The following TAF5 variants were observed in gnomAD, a reference collection of about 807,000 sequenced individuals.
TAF5 encodes the protein TATA-box binding protein associated factor 5.
Under a neutral mutation model 80.9 loss-of-function variants are expected in TAF5, and 20 were observed. That is an observed-to-expected ratio of 0.25 (90% CI 0.17 to 0.36). The LOEUF (loss-of-function observed/expected upper bound fraction) is 0.36, where lower values mean the gene tolerates loss of function less well. TAF5 is among the 10% of genes least tolerant of loss of function. The probability of loss-of-function intolerance (pLI) is 1.00; values close to 1 mark genes in which losing one functional copy is unlikely to be tolerated. For missense variants in TAF5, 863 were observed against 1,029.4 expected (o/e 0.84, Z 2.21); for synonymous variants, 388 against 406.4 (o/e 0.95, Z 0.55).
At chr10:103,381,966 T>G in intron 6 of TAF5, 125 bp downstream of exon 6, 1 of 1,343,678 alleles carries the variant, frequency 7.4e-7, no homozygotes, top group African/African-American at 1.5e-5. Flanking sequence ...TAACTCAAGA[T>G]TCTAACATTC....
At position 103,372,824 on chromosome 10, in the gene TAF5, A is replaced by G. The variant is rs548152057; in HGVS notation, c.560-534A>G. Reference sequence around the variant, plus strand: ...GGCAGGAGAATCGCTTGAACCCGAGATGGGGAGGTTGCAGTGAGCCGAGAT... The same window carrying G: ...GGCAGGAGAATCGCTTGAACCCGAGGTGGGGAGGTTGCAGTGAGCCGAGAT... On this transcript the variant is annotated intron_variant, in intron 1 of 10. Transcript: ENST00000369839. Among the ~76,000 whole-genome samples the G allele has an allele frequency of 1.3e-4, 19 of 150,948 alleles. 1 individual carries two copies. The South Asian group carries it at 4.0e-3, about 32-fold the overall frequency.
rs190494861 is a variant in TAF5, at chr10:103,384,360, G to A, written c.1665-966G>A. Among the ~76,000 whole-genome samples, 5 of 152,334 alleles carry A rather than the reference G, an allele frequency of 3.3e-5. No homozygotes were observed. In the East Asian group the frequency reaches 9.6e-4, roughly 29 times the overall value. On this transcript the variant is annotated intron_variant, in intron 7 of 10. Coordinates refer to ENST00000369839, the MANE Select transcript of TAF5 (RefSeq NM_006951.5). ...GATAATAGCTTTCAGGCCGGGCACAGTGGCTCACGCCTATAATCCCAGCAC... is the reference window on the plus strand; with the variant it reads ...GATAATAGCTTTCAGGCCGGGCACAATGGCTCACGCCTATAATCCCAGCAC...
Position 103,378,339 on chromosome 10 carries a change from G to A in TAF5, c.902G>A (p.Arg301Gln), listed in dbSNP as rs1248630521. Residue 301 changes from arginine (R) to glutamine (Q), a missense_variant, in exon 3 of 11, where the codon CGA (arginine) becomes CAA (glutamine). This residue lies in a region of TAF5 where 128 missense variants were observed against 232.2 expected (regional missense o/e 0.55). Coordinates refer to ENST00000369839, the MANE Select transcript of TAF5 (RefSeq NM_006951.5). This position sits in a 1 kb window ranked among gnomAD's most constrained non-coding sequence, Gnocchi z 4.1. ...GGGAATGAGACCATGTTGGATTTTC[G>A]AACAAGTAAATTTGTTCTGCGTATT... ...MKGNETMLDF[R>Q]TSKFVLRISR... 3 of 1,614,092 alleles carry A rather than the reference G, an allele frequency of 1.9e-6. No homozygotes were observed. Among genetic ancestry groups the A allele is most frequent in the Non-Finnish European group, 2.5e-6 (3 of 1,180,014 alleles).
At chr10:103,370,549 G>C (rs2093357143) in intron 1 of TAF5, among the ~76,000 whole-genome samples, 1 of 151,776 alleles carries the variant, frequency 6.6e-6, no homozygotes, top group African/African-American at 2.4e-5. Flanking sequence ...GGATGGTCTC[G>C]ATCTCCTGAC....
intron 5 of TAF5, among the ~76,000 whole-genome samples, 170 bp downstream of exon 5, chr10:103,380,189 C>T (rs1170467807): frequency 2.0e-5 from 3 of 151,006 alleles, no homozygotes; most frequent in Admixed American, 1.3e-4. Context: ...AGTGCAGTGG[C>T]GCGATCTCAG....
At position 103,375,208 on chromosome 10, in the gene TAF5, T is replaced by C. The variant is rs141316512; in HGVS notation, c.797+1613T>C. 3.7e-3 allele frequency among the ~76,000 whole-genome samples: 568 copies of C among 152,046 alleles called. 5 individuals carry two copies. The highest frequency in any genetic ancestry group is 0.014 in the Middle Eastern group (4 of 292). ...GGAGGAGCAGGAATACTAAATGTTC[T>C]AATATGTGCACCTAGGTAGTCCCAC... On this transcript the variant is annotated intron_variant, in intron 2 of 10. Coordinates refer to ENST00000369839, the MANE Select transcript of TAF5 (RefSeq NM_006951.5).
At chr10:103,383,847 G>C (rs763431535) in intron 7 of TAF5, among the ~76,000 whole-genome samples, 33 of 151,930 alleles carry the variant, frequency 2.2e-4, no homozygotes, top group Non-Finnish European at 4.9e-4. Context: ...CAAAGTGCTG[G>C]GATTACAGGC....
rs2093350135 is a variant in TAF5 at position 103,368,312 on chromosome 10, A to G, written c.323A>G (p.Lys108Arg). The change falls in exon 1 of 11, where the codon AAA (lysine) becomes AGA (arginine). Residue 108 changes from lysine (K) to arginine (R), a missense_variant. Lys to Arg is a conservative substitution (Grantham distance 26). Coordinates refer to ENST00000369839, the MANE Select transcript of TAF5 (RefSeq NM_006951.5). ...LAVLQFLRQSKLREAEEALRR... is the reference protein window; with the variant it reads ...LAVLQFLRQSRLREAEEALRR... ...GTGCTGCAGTTCCTACGGCAGAGCA[A>G]ACTCCGCGAGGCCGAAGAGGCGCTG... The G allele has an allele frequency of 2.5e-6, 4 of 1,584,580 alleles. No homozygotes were observed. The highest frequency in any genetic ancestry group is 1.3e-5 in the African/African-American group (1 of 74,354).
At chr10:103,387,802 G>GCTATGATTCCAGAGTGT in intron 10 of TAF5, 104 bp downstream of exon 10, 1 of 1,255,020 alleles carries the variant, frequency 8.0e-7, no homozygotes, top group Non-Finnish European at 1.1e-6. Context: ...CTTCCCTTTA[G>GCTATGATTCCAGAGTGT]CTATGATTCC....
At chr10:103,371,728 A>G (rs1254790193) in intron 1 of TAF5, among the ~76,000 whole-genome samples, 1 of 152,188 alleles carries the variant, frequency 6.6e-6, no homozygotes, top group African/African-American at 2.4e-5. Flanking sequence ...TGAAGGGAAC[A>G]CAGGATAGGA....
In TAF5 at chr10:103,385,444, C is replaced by T; in HGVS notation, c.1783C>T (p.Pro595Ser). The change falls in exon 8 of 11, where the codon CCA becomes TCA. Residue 595 changes from proline (P) to serine (S), a missense_variant. Pro to Ser is a moderately conservative substitution (Grantham distance 74). This residue lies in a region of TAF5 where 368 missense variants were observed against 461.7 expected (regional missense o/e 0.80). Transcript: ENST00000369839. The part of the protein sequence containing the change: ...NYPVWDTQFS[P>S]YGYYFVSGGH... Reference sequence around the variant, plus strand: ...TCCAGTATGGGACACACAATTTTCTCCATATGGATATTATTTTGTGTCAGG... The same window carrying T: ...TCCAGTATGGGACACACAATTTTCTTCATATGGATATTATTTTGTGTCAGG... 3 of 1,613,980 alleles carry T rather than the reference C, an allele frequency of 1.9e-6. No homozygotes were observed. In the Admixed American group the frequency reaches 5.0e-5, roughly 27 times the overall value.
Position 103,378,595 on chromosome 10 carries a change from AT to A in TAF5, c.1113+47del. 6.5e-7 allele frequency: 1 copy of A among 1,530,882 alleles called. No individual in the cohort carries two copies. The highest frequency in any genetic ancestry group is 8.8e-7 in the Non-Finnish European group (1 of 1,135,914). 94.8% of individuals were successfully genotyped at this position (1,530,882 alleles called of 1,614,324 possible). On this transcript the variant is annotated intron_variant, in intron 3 of 10. Coordinates refer to ENST00000369839, the MANE Select transcript of TAF5 (RefSeq NM_006951.5). This position sits in a 1 kb window ranked among gnomAD's most constrained non-coding sequence, Gnocchi z 4.1. ...AACTCTATAATGCAGATTATGAAAAATTGTAGCATTTCCATCTACATAAGTT... is the reference window on the plus strand; with the variant it reads ...AACTCTATAATGCAGATTATGAAAAATGTAGCATTTCCATCTACATAAGTT...
At chr10:103,383,110 A>G (rs1182698850) in intron 6 of TAF5, 128 bp from the exon 7 acceptor site, 5 of 712,258 alleles carry the variant, frequency 7.0e-6, no homozygotes, top group Non-Finnish European at 1.1e-5. Flanking sequence ...TAGAGGGATT[A>G]GCAAAGTGCG....
At chr10:103,377,646 T>C (rs2093372868) in intron 2 of TAF5, among the ~76,000 whole-genome samples, 1 of 152,226 alleles carries the variant, frequency 6.6e-6, no homozygotes. Flanking sequence ...TACTTCCACT[T>C]TGTTGTTTAG....
At chr10:103,376,411 C>G (rs2093370145) in intron 2 of TAF5, among the ~76,000 whole-genome samples, 1 of 151,990 alleles carries the variant, frequency 6.6e-6, no homozygotes, top group Admixed American at 6.6e-5. Flanking sequence ...ATGTTTAATA[C>G]AAGCAACAGA....
At chr10:103,379,117 C>A (rs1358803715) in intron 3 of TAF5, among the ~76,000 whole-genome samples, 1 of 152,142 alleles carries the variant, frequency 6.6e-6, no homozygotes, top group Non-Finnish European at 1.5e-5. Flanking sequence ...GGAAGGCCTT[C>A]CAGGGCTGGC....
chr10:103,383,658 A>C (rs541892951), intron 7 of TAF5, among the ~76,000 whole-genome samples: 18 of 148,730 alleles, frequency 1.2e-4, no homozygotes, highest in African/African-American at 4.0e-4. Flanking sequence ...GGCTTACCGC[A>C]ACCTCCGCCT....
At chr10:103,387,495 G>T (rs753836985) in intron 9 of TAF5, 26 bp from the exon 10 acceptor site, 2 of 1,593,482 alleles carry the variant, frequency 1.3e-6, no homozygotes, top group Non-Finnish European at 1.7e-6. Context: ...GACATACTTT[G>T]ATCTTTTCTA....
intron 5 of TAF5, among the ~76,000 whole-genome samples, chr10:103,381,194 C>T (rs375389581): frequency 6.6e-6 from 1 of 152,066 alleles, no homozygotes; most frequent in African/African-American, 2.4e-5. Flanking sequence ...GGCAATCCAC[C>T]CGCCTCAGCC....
Sources: gnomAD v4.1 joint callset for allele counts (sites outside exome capture counted in the v4.1 genomes callset) on GRCh38, gnomAD v4.1.1 for gene constraint, gnomAD v4.1.1 regional missense constraint, Gnocchi (gnomAD v3.1) non-coding constraint, MANE v1.5 for transcripts, NCBI Gene and HGNC (gene_info 2026-07-23, HGNC 2026-07-21) for gene names.